Variants in ZKSCAN3 observed in about 807,000 individuals in gnomAD.
ZKSCAN3 encodes the protein zinc finger protein with KRAB and SCAN domains 3.
A neutral mutation model predicts 30.7 loss-of-function variants in ZKSCAN3; 21 were observed. That is an observed-to-expected ratio of 0.68 (90% CI 0.49 to 0.99). The LOEUF is 0.99. Ranked by LOEUF, ZKSCAN3 falls within the 50% of genes least tolerant of loss-of-function variation. The pLI, the probability that ZKSCAN3 is intolerant of heterozygous loss-of-function variation, is 0.00. For missense variants in ZKSCAN3, 507 were observed against 647.1 expected (o/e 0.78, Z 2.35); for synonymous variants, 201 against 246.7 (o/e 0.81, Z 1.73).
At chr6:28,355,589 C>T (rs1765371248) in intron 1 of ZKSCAN3, 1 of 152,218 alleles carries the variant, frequency 6.6e-6, no homozygotes, top group Non-Finnish European at 1.5e-5. Flanking sequence ...CTTGTGCCTG[C>T]TGAATAGCCT....
At chr6:28,352,073 G>A (rs1231157138) in intron 1 of ZKSCAN3, among the ~76,000 whole-genome samples, 2 of 151,742 alleles carry the variant, frequency 1.3e-5, no homozygotes, top group African/African-American at 2.4e-5. Context: ...AGTCTGTTCA[G>A]TCTTCTAATC....
At chr6:28,363,884 C>T in intron 5 of ZKSCAN3, 69 bp downstream of exon 5, 1 of 1,571,716 alleles carries the variant, frequency 6.4e-7, no homozygotes, top group Non-Finnish European at 8.7e-7. Context: ...ACCTGTTGAG[C>T]TATTGGAAGC....
In ZKSCAN3 at chr6:28,367,253, T is replaced by G. The variant is rs1161658244; in HGVS notation, c.*968T>G. 2.0e-5 allele frequency: 3 copies of G among 151,958 alleles called. No homozygotes were observed. The highest frequency in any genetic ancestry group is 4.4e-5 in the Non-Finnish European group (3 of 68,030). 9.4% of individuals were successfully genotyped at this position (151,958 alleles called of 1,614,324 possible). A position where few individuals can be genotyped will look rare whatever the true frequency, so the allele number is the denominator to read the frequency against. On this transcript the variant is annotated 3_prime_UTR_variant, in exon 6 of 6. Transcript: ENST00000252211. The stretch of plus-strand genomic sequence containing the variant: ...TTCTTTACCAGACTAGGAATTCTAT[T>G]CTAGTGCAAATGCCTTAAAAAGCTT...
chr6:28,366,362 A>C lies in ZKSCAN3; in HGVS notation c.*77A>C, dbSNP rs1765972041. The C allele has an allele frequency of 2.1e-6, 3 of 1,435,506 alleles. No homozygotes were observed. Among genetic ancestry groups the C allele is most frequent in the South Asian group, 3.4e-5 (2 of 58,782 alleles). 88.9% of individuals were successfully genotyped at this position (1,435,506 alleles called of 1,614,324 possible). On this transcript the variant is annotated 3_prime_UTR_variant, in exon 6 of 6. Transcript: ENST00000252211. The stretch of plus-strand genomic sequence containing the variant: ...ACTCCCCCTGGAGTCTCAACTATAG[A>C]AATTGTGGGCTGGGCTTTATTTACC...
In ZKSCAN3 at chr6:28,361,386, C is replaced by G. The variant is rs568038547; in HGVS notation, c.465C>G (p.Ala155=). Residue 155 remains alanine (A), a synonymous_variant, in exon 3 of 6, where the codon GCC becomes GCG. Coordinates refer to ENST00000252211, the MANE Select transcript of ZKSCAN3 (RefSeq NM_024493.4). ...LCCKMALLTP[A]PGSQSSQFQL... is the part of the protein sequence containing the mutation. The stretch of plus-strand genomic sequence containing the variant: ...GCAAGATGGCACTATTGACACCAGC[C>G]CCAGGGTCACAAAGTAGCCAATTTC... 1.2e-6 allele frequency: 2 copies of G among 1,613,944 alleles called. No individual in the cohort carries two copies. Among genetic ancestry groups the G allele is most frequent in the African/African-American group, 2.7e-5 (2 of 75,006 alleles).
chr6:28,364,924 C>T (rs1354974176), intron 5 of ZKSCAN3, among the ~76,000 whole-genome samples: 2 of 152,100 alleles, frequency 1.3e-5, no homozygotes, highest in Non-Finnish European at 2.9e-5. Flanking sequence ...GATGGGGTTT[C>T]ACCATGTTGG....
rs145545581 is a variant in ZKSCAN3, at chr6:28,360,170, A to G, written c.402+182A>G. On this transcript the variant is annotated intron_variant, in intron 2 of 5. Transcript: ENST00000252211. ...CTCAGAATAATTTTTTTTTTAAAATACATAAACCATAAAGGATTACAAAAG... is the reference window on the plus strand; with the variant it reads ...CTCAGAATAATTTTTTTTTTAAAATGCATAAACCATAAAGGATTACAAAAG... The G allele has an allele frequency of 4.8e-3, 5,127 of 1,071,786 alleles. 17 individuals are homozygous for G. The highest frequency in any genetic ancestry group is 5.9e-3 in the Non-Finnish European group (4,433 of 746,902). The allele number at this position is 1,071,786 out of a possible 1,614,324, so 66.4% of individuals were successfully genotyped here.
intron 2 of ZKSCAN3, among the ~76,000 whole-genome samples, chr6:28,360,287 C>T (rs78769075): frequency 0.023 from 3,495 of 152,128 alleles, 182 homozygotes; most frequent in East Asian, 0.23. Flanking sequence ...ATAAAACCTA[C>T]GGACAGGGCT....
intron 1 of ZKSCAN3, among the ~76,000 whole-genome samples, chr6:28,358,905 A>G (rs914966226): frequency 3.2e-4 from 31 of 95,952 alleles, no homozygotes; most frequent in South Asian, 1.9e-3. Flanking sequence ...ATAAGAAAAA[A>G]AAAAAAAAAA....
chr6:28,366,339 T>C lies in ZKSCAN3; in HGVS notation c.*54T>C. On this transcript the variant is annotated 3_prime_UTR_variant, in exon 6 of 6. Coordinates refer to ENST00000252211, the MANE Select transcript of ZKSCAN3 (RefSeq NM_024493.4). ...TCATTTGTCACTGATCTGAAGCCAC[T>C]CCCCCTGGAGTCTCAACTATAGAAA... 2.7e-6 allele frequency: 4 copies of C among 1,475,006 alleles called. No homozygotes were observed. Among genetic ancestry groups the C allele is most frequent in the South Asian group, 3.1e-5 (2 of 64,384 alleles). 91.4% of individuals were successfully genotyped at this position (1,475,006 alleles called of 1,614,324 possible). A position where few individuals can be genotyped will look rare whatever the true frequency, so the allele number is the denominator to read the frequency against.
In ZKSCAN3 at chr6:28,361,616, C is replaced by G. The variant is rs1765773617; in HGVS notation, c.550+145C>G. 15 of 911,926 alleles carry G rather than the reference C, an allele frequency of 1.6e-5. No individual in the cohort carries two copies. The South Asian group carries it at 3.4e-4, about 21-fold the overall frequency. The allele number at this position is 911,926 out of a possible 1,614,324, so 56.5% of individuals were successfully genotyped here. A position where few individuals can be genotyped will look rare whatever the true frequency, so the allele number is the denominator to read the frequency against. ...AAGACTGAGACTAAAAGGAGTATTT[C>G]CAACATAATGATGGAAAGCTTTTTC... On this transcript the variant is annotated intron_variant, in intron 3 of 5. Coordinates refer to ENST00000252211, the MANE Select transcript of ZKSCAN3 (RefSeq NM_024493.4).
intron 1 of ZKSCAN3, among the ~76,000 whole-genome samples, chr6:28,358,193 T>C (rs1765553155): frequency 6.6e-6 from 1 of 152,160 alleles, no homozygotes; most frequent in Non-Finnish European, 1.5e-5. Flanking sequence ...TCCTGTATGT[T>C]TTTTTTAAGA....
intron 5 of ZKSCAN3, 129 bp from the exon 6 acceptor site, chr6:28,365,297 C>T (rs1765916261): frequency 1.5e-6 from 2 of 1,330,542 alleles, no homozygotes; most frequent in South Asian, 1.5e-5. Context: ...TTATTCCCAT[C>T]CTTATTCTAG....
At chr6:28,358,149 G>A (rs1765548981) in intron 1 of ZKSCAN3, among the ~76,000 whole-genome samples, 1 of 152,112 alleles carries the variant, frequency 6.6e-6, no homozygotes, top group Non-Finnish European at 1.5e-5. Flanking sequence ...ACATAAAATG[G>A]CATATAGTAT....
At chr6:28,363,435 T>C (rs957080073) in intron 4 of ZKSCAN3, 50 bp downstream of exon 4, 1 of 1,566,590 alleles carries the variant, frequency 6.4e-7, no homozygotes, top group Non-Finnish European at 8.8e-7. Flanking sequence ...ACTATTGAGC[T>C]TCCTGTGAAG....
rs1289857867 is a variant in ZKSCAN3, at chr6:28,367,983, C to T, written c.*1698C>T. ...ACATGTGCCATGTTGGTGTGCTGCA[C>T]CCATTAACTCGTCATTTACATTGGG... On this transcript the variant is annotated 3_prime_UTR_variant, in exon 6 of 6. Transcript: ENST00000252211. 1 of 151,662 alleles carries T rather than the reference C, an allele frequency of 6.6e-6. No homozygotes were observed. 9.4% of individuals were successfully genotyped at this position (151,662 alleles called of 1,614,324 possible).
At position 28,365,693 on chromosome 6, in the gene ZKSCAN3, AC is replaced by A. The variant is rs1765933944; in HGVS notation, c.1026del (p.Tyr342Ter). On this transcript the variant is annotated frameshift_variant, in exon 6 of 6. Coordinates refer to ENST00000252211, the MANE Select transcript of ZKSCAN3 (RefSeq NM_024493.4). LOFTEE classifies it low-confidence loss of function (END_TRUNC). ...HRRIHTGEKP[Y>X]ECEECGKAFI... ...AGAATCCACACTGGTGAGAAACCCT[AC>A]GAATGTGAAGAGTGTGGCAAAGCCT... is the stretch of plus-strand genomic sequence containing the variant. 6.2e-7 allele frequency: 1 copy of A among 1,614,132 alleles called. No individual in the cohort carries two copies. Among genetic ancestry groups the A allele is most frequent in the Admixed American group, 1.7e-5 (1 of 60,032 alleles).
chr6:28,359,701 G>T lies in ZKSCAN3; in HGVS notation c.115G>T (p.Asp39Tyr), dbSNP rs199786583. 111 of 1,614,110 alleles carry T rather than the reference G, an allele frequency of 6.9e-5. No homozygotes were observed. The highest frequency in any genetic ancestry group is 9.2e-5 in the Non-Finnish European group (109 of 1,180,052). The change falls in exon 2 of 6, where the codon GAT becomes TAT. Residue 39 changes from aspartate to tyrosine, a missense_variant. Transcript: ENST00000252211. The stretch of plus-strand genomic sequence containing the variant: ...AGAAGCCGGTTTTCCCAGTAGCCCA[G>T]ATCTGGGTTCTGAGGGCTCCCGCGA... ...EEEAGFPSSP[D>Y]LGSEGSRERF...
chr6:28,359,106 C>T (rs1449450923), intron 1 of ZKSCAN3, among the ~76,000 whole-genome samples: 1 of 152,002 alleles, frequency 6.6e-6, no homozygotes, highest in African/African-American at 2.4e-5. Context: ...TCTTTGGGAT[C>T]AGTCCAGTCA....
Sources: gnomAD v4.1 joint callset for allele counts (sites outside exome capture counted in the v4.1 genomes callset) on GRCh38, gnomAD v4.1.1 for gene constraint, MANE v1.5 for transcripts, NCBI Gene and HGNC (gene_info 2026-07-23, HGNC 2026-07-21) for gene names.